CCDC7: variants seen among roughly 807,000 people sequenced by gnomAD.
CCDC7 encodes the protein coiled-coil domain-containing protein 7.
A neutral mutation model predicts 196.9 loss-of-function variants in CCDC7; 183 were observed. The ratio of observed to expected loss-of-function variants is 0.93; its 90% CI spans 0.82 to 1.05. The LOEUF (loss-of-function observed/expected upper bound fraction) is 1.05, where lower values mean the gene tolerates loss of function less well. CCDC7 is among the 50% of genes least tolerant of loss of function. The pLI, the probability that CCDC7 is intolerant of heterozygous loss-of-function variation, is 0.00. For missense variants in CCDC7, 1,540 were observed against 1,482.2 expected, an observed-to-expected ratio of 1.04 and a Z score of -0.64; for synonymous variants, 525 against 484.6, an observed-to-expected ratio of 1.08 and a Z score of -1.10.
chr10:32,512,118 T>C (rs962415646), intron 9 of CCDC7: 1 of 180,722 alleles, frequency 5.5e-6, no homozygotes, highest in Admixed American at 5.6e-5. Flanking sequence ...TCTTTTGTAA[T>C]TGTGGGACAA....
chr10:32,509,815 G>A (rs1262588528), intron 9 of CCDC7, among the ~76,000 whole-genome samples: 1 of 152,146 alleles, frequency 6.6e-6, no homozygotes, highest in Non-Finnish European at 1.5e-5. Flanking sequence ...TCAGAGAAAT[G>A]TAAATCAAAA....
At chr10:32,770,153 G>A (rs1240932122) in intron 28 of CCDC7, among the ~76,000 whole-genome samples, 1 of 152,132 alleles carries the variant, frequency 6.6e-6, no homozygotes, top group South Asian at 2.1e-4. Flanking sequence ...CTTTTCTTCT[G>A]CTAGTTTTGG....
chr10:32,860,821 G>C (rs1391728504), intron 41 of CCDC7, among the ~76,000 whole-genome samples: 1 of 152,078 alleles, frequency 6.6e-6, no homozygotes, highest in Admixed American at 6.5e-5. Flanking sequence ...TTGCTACAAA[G>C]AGAATCAAAT....
intron 28 of CCDC7, among the ~76,000 whole-genome samples, chr10:32,751,867 A>C (rs1011650889): frequency 6.6e-6 from 1 of 152,146 alleles, no homozygotes; most frequent in African/African-American, 2.4e-5. Flanking sequence ...ATATTCTTCA[A>C]GTTTATGAAC....
chr10:32,638,647 G>A (rs2066118263), intron 20 of CCDC7, among the ~76,000 whole-genome samples: 1 of 152,130 alleles, frequency 6.6e-6, no homozygotes, highest in Non-Finnish European at 1.5e-5. Context: ...TTTTATTGAG[G>A]ATTTTTGCAT....
intron 17 of CCDC7, 40 bp from the exon 19 acceptor site, chr10:32,584,192 A>T: frequency 9.1e-7 from 1 of 1,101,834 alleles, no homozygotes; most frequent in Non-Finnish European, 1.3e-6. Flanking sequence ...ATATATATGT[A>T]TATAATTTCT....
intron 29 of CCDC7, 122 bp downstream of exon 30, chr10:32,779,206 TC>T (rs1209742104): frequency 3.0e-6 from 2 of 676,024 alleles, no homozygotes; most frequent in Non-Finnish European, 4.7e-6. Flanking sequence ...CAACTTAAGT[TC>T]ATTCTACTCA....
At chr10:32,751,391 A>G (rs962511015) in intron 28 of CCDC7, among the ~76,000 whole-genome samples, 3 of 152,042 alleles carry the variant, frequency 2.0e-5, no homozygotes, top group African/African-American at 7.2e-5. Context: ...TGGGATCCCA[A>G]ATGCCAAGAT....
intron 41 of CCDC7, among the ~76,000 whole-genome samples, chr10:32,855,142 A>G (rs2093700219): frequency 6.6e-6 from 1 of 151,746 alleles, no homozygotes; most frequent in Non-Finnish European, 1.5e-5. Context: ...ACTCAAAGTG[A>G]TCTAAGGATT....
intron 9 of CCDC7, among the ~76,000 whole-genome samples, chr10:32,498,365 C>G (rs946557913): frequency 6.6e-6 from 1 of 152,084 alleles, no homozygotes; most frequent in Non-Finnish European, 1.5e-5. Flanking sequence ...TTGATTGCGG[C>G]ATTTAGCTAA....
intron 18 of CCDC7, among the ~76,000 whole-genome samples, chr10:32,615,496 A>G (rs762578346): frequency 2.6e-5 from 4 of 151,852 alleles, no homozygotes; most frequent in Admixed American, 2.0e-4. Context: ...TGTTTGTTCA[A>G]CATTTCCCTT....
intron 13 of CCDC7, among the ~76,000 whole-genome samples, chr10:32,562,636 G>C (rs1275479553): frequency 6.6e-6 from 1 of 152,156 alleles, no homozygotes; most frequent in Non-Finnish European, 1.5e-5. Flanking sequence ...ATTAGGTATT[G>C]ATGGGACGTA....
chr10:32,709,313 G>A (rs1418269041), intron 24 of CCDC7, among the ~76,000 whole-genome samples: 1 of 119,274 alleles, frequency 8.4e-6, no homozygotes, highest in Non-Finnish European at 1.7e-5. Flanking sequence ...ACACACCGAG[G>A]CCTATCGTGG....
intron 32 of CCDC7, among the ~76,000 whole-genome samples, chr10:32,832,010 G>A (rs561455462): frequency 6.6e-6 from 1 of 152,138 alleles, no homozygotes. Flanking sequence ...CATCATCACA[G>A]GTTTGTGAAT....
At chr10:32,693,180 A>G (rs1190012268) in intron 23 of CCDC7, among the ~76,000 whole-genome samples, 1 of 151,892 alleles carries the variant, frequency 6.6e-6, no homozygotes, top group Non-Finnish European at 1.5e-5. Context: ...TTTTCACCCC[A>G]CCTTCTTTTC....
intron 28 of CCDC7, among the ~76,000 whole-genome samples, chr10:32,761,358 A>G (rs947661983): frequency 1.3e-5 from 2 of 152,020 alleles, no homozygotes; most frequent in African/African-American, 4.8e-5. Context: ...GTGGCATCAT[A>G]TGGCAATAGG....
intron 9 of CCDC7, chr10:32,514,098 A>C (rs1198605006): frequency 6.6e-6 from 1 of 152,244 alleles, no homozygotes; most frequent in African/African-American, 2.4e-5. Context: ...AGTTCTGCTA[A>C]AACCTATTGG....
At chr10:32,533,123 A>G (rs1004591841) in intron 11 of CCDC7, among the ~76,000 whole-genome samples, 2 of 151,974 alleles carry the variant, frequency 1.3e-5, no homozygotes, top group Admixed American at 6.6e-5. Flanking sequence ...TAGTGAATCT[A>G]TTACATGTTT....
At chr10:32,518,501 A>G in exon 11 of CCDC7, 8 of 1,604,402 alleles carry the variant, frequency 5.0e-6, no homozygotes, top group Admixed American at 1.7e-5. Context: ...TTGAAGGACA[A>G]AGAGGTTGGA....
Sources: gnomAD v4.1 joint callset for allele counts (sites outside exome capture counted in the v4.1 genomes callset) on GRCh38, gnomAD v4.1.1 for gene constraint, MANE v1.5 for transcripts, NCBI Gene and HGNC (gene_info 2026-07-23, HGNC 2026-07-21) for gene names.